Variants in RIMS2 observed in about 807,000 individuals in gnomAD.
RIMS2 encodes regulating synaptic membrane exocytosis 2.
In RIMS2, 59 loss-of-function variants were observed where a neutral mutation model predicts 174.4. The observed-to-expected ratio is 0.34, with a 90% CI of 0.27 to 0.42. RIMS2 has a LOEUF of 0.42. RIMS2 is among the 10% of genes least tolerant of loss of function. The pLI is 1.00. For synonymous variants in RIMS2, 606 were observed against 572.5 expected (o/e 1.06, Z -0.84); for missense variants, 1,620 against 1,666.3 (o/e 0.97, Z 0.48).
downstream of RIMS2, chr8:104,254,447 C>G (rs910613264): frequency 4.6e-5 from 7 of 152,166 alleles, no homozygotes; most frequent in African/African-American, 1.7e-4. Flanking sequence ...AGTGCTTTCT[C>G]TGACTTTTCT....
intron 3 of RIMS2, among the ~76,000 whole-genome samples, chr8:103,797,496 C>T (rs2098557759): frequency 6.6e-6 from 1 of 152,150 alleles, no homozygotes; most frequent in Non-Finnish European, 1.5e-5. Flanking sequence ...ATATCTTTTA[C>T]TTGTTACAAT....
intron 19 of RIMS2, among the ~76,000 whole-genome samples, chr8:104,182,532 T>C (rs1176435434): frequency 6.6e-6 from 1 of 151,594 alleles, no homozygotes; most frequent in Non-Finnish European, 1.5e-5. Context: ...CCCCTCCTCA[T>C]TTCACCCATT....
chr8:104,134,264 A>AGACCAGCTT (rs1410958005), intron 19 of RIMS2, among the ~76,000 whole-genome samples: 2 of 152,188 alleles, frequency 1.3e-5, no homozygotes, highest in Admixed American at 6.5e-5. Context: ...CAGGAGTTCA[A>AGACCAGCTT]GACCAGCTTG....
intron 19 of RIMS2, among the ~76,000 whole-genome samples, chr8:104,097,611 CA>C (rs61692286): frequency 2.0e-3 from 271 of 134,450 alleles, no homozygotes; most frequent in Non-Finnish European, 2.5e-3. Flanking sequence ...TAAGCAATAG[CA>C]AAAAAAAAAA....
exon 1 of RIMS2, chr8:103,500,929 C>T (rs1432635231): frequency 1.9e-6 from 3 of 1,608,006 alleles, no homozygotes; most frequent in African/African-American, 2.7e-5. Context: ...GGCTCCCATC[C>T]CGGCGGCCTC....
At chr8:103,838,746 C>T (rs953297072) in intron 3 of RIMS2, among the ~76,000 whole-genome samples, 1 of 152,064 alleles carries the variant, frequency 6.6e-6, no homozygotes, top group African/African-American at 2.4e-5. Flanking sequence ...TCTATTATTG[C>T]GTGTTTCACT....
intron 19 of RIMS2, among the ~76,000 whole-genome samples, chr8:104,029,039 A>G (rs1280217338): frequency 1.3e-5 from 2 of 152,188 alleles, no homozygotes; most frequent in African/African-American, 4.8e-5. Flanking sequence ...CAATTCCCAG[A>G]ACTGAGGGAT....
intron 3 of RIMS2, among the ~76,000 whole-genome samples, chr8:103,816,447 G>A (rs1485809050): frequency 6.6e-6 from 1 of 152,166 alleles, no homozygotes; most frequent in African/African-American, 2.4e-5. Context: ...AGACAAGAAT[G>A]CAGGACTTAA....
chr8:104,002,332 C>G (rs1183557750), intron 17 of RIMS2, among the ~76,000 whole-genome samples: 1 of 152,068 alleles, frequency 6.6e-6, no homozygotes, highest in Non-Finnish European at 1.5e-5. Flanking sequence ...AATCCATTCT[C>G]AAAAATATCC....
intron 3 of RIMS2, among the ~76,000 whole-genome samples, chr8:103,796,054 A>C (rs1321499771): frequency 6.6e-6 from 1 of 152,070 alleles, no homozygotes; most frequent in East Asian, 1.9e-4. Flanking sequence ...TTGATTTTAT[A>C]ATATGTACAT....
Position 103,885,700 on chromosome 8 carries a change from G to A in RIMS2, c.1101G>A (p.Arg367=), listed in dbSNP as rs202004651. 6,388 of 1,613,030 alleles carry A rather than the reference G, an allele frequency of 4.0e-3. 23 individuals are homozygous for A. The highest frequency in any genetic ancestry group is 4.7e-3 in the Non-Finnish European group (5,491 of 1,179,448). The stretch of plus-strand genomic sequence containing the variant: ...TGTCCCGAGCACGGCATGAGAGAAG[G>A]CATAGTGATGTTTCTTTGGCAAATG... The change falls in exon 4 of 24, where the codon AGG becomes AGA. Residue 367 remains arginine, a synonymous_variant. Transcript: ENST00000504942.
chr8:103,637,418 A>G (rs1283167291), intron 1 of RIMS2, among the ~76,000 whole-genome samples: 1 of 152,190 alleles, frequency 6.6e-6, no homozygotes, highest in East Asian at 1.9e-4. Flanking sequence ...GGCTTCACAA[A>G]CTGATTTGGA....
intron 19 of RIMS2, among the ~76,000 whole-genome samples, chr8:104,055,109 CAT>C (rs1335152731): frequency 6.6e-6 from 1 of 152,002 alleles, no homozygotes; most frequent in Non-Finnish European, 1.5e-5. Context: ...TACATATTAT[CAT>C]AGGATTCTAT....
intron 17 of RIMS2, among the ~76,000 whole-genome samples, chr8:104,012,484 A>G (rs1325541548): frequency 1.3e-5 from 2 of 151,900 alleles, no homozygotes; most frequent in Non-Finnish European, 2.9e-5. Flanking sequence ...TGTCTATATT[A>G]TATAAGCATT....
chr8:103,787,654 T>C (rs1592357368), intron 3 of RIMS2, among the ~76,000 whole-genome samples: 2 of 152,252 alleles, frequency 1.3e-5, no homozygotes, highest in Non-Finnish European at 2.9e-5. Context: ...GTTAGTCTGA[T>C]GGGCTTCCCT....
intron 1 of RIMS2, among the ~76,000 whole-genome samples, chr8:103,690,449 T>G (rs756312923): frequency 6.6e-5 from 10 of 152,212 alleles, no homozygotes; most frequent in Non-Finnish European, 1.5e-5. Context: ...ATTTTACTTT[T>G]TGTGTATCTG....
At chr8:103,816,219 A>T (rs1393297051) in intron 3 of RIMS2, among the ~76,000 whole-genome samples, 1 of 152,196 alleles carries the variant, frequency 6.6e-6, no homozygotes, top group African/African-American at 2.4e-5. Flanking sequence ...CTTATAGAAG[A>T]TGATGTGGCA....
chr8:103,767,313 G>A (rs541940971), intron 3 of RIMS2, among the ~76,000 whole-genome samples: 2 of 151,196 alleles, frequency 1.3e-5, no homozygotes, highest in African/African-American at 2.4e-5. Flanking sequence ...TCAGCCTCCC[G>A]AGTAGCTGGG....
At chr8:104,086,073 A>G (rs1330131170) in intron 19 of RIMS2, among the ~76,000 whole-genome samples, 1 of 152,084 alleles carries the variant, frequency 6.6e-6, no homozygotes, top group East Asian at 1.9e-4. Context: ...ATAATTTAAA[A>G]TCAGGTTAGG....
Sources: gnomAD v4.1 joint callset for allele counts (sites outside exome capture counted in the v4.1 genomes callset) on GRCh38, gnomAD v4.1.1 for gene constraint, MANE v1.5 for transcripts, NCBI Gene and HGNC (gene_info 2026-07-23, HGNC 2026-07-21) for gene names.